FRMD3: variants seen among roughly 807,000 people sequenced by gnomAD.
FRMD3 encodes FERM domain containing 3.
A neutral mutation model predicts 70.2 loss-of-function variants in FRMD3; 33 were observed. That is an observed-to-expected ratio of 0.47 (90% CI 0.36 to 0.63). FRMD3 has a LOEUF of 0.63. FRMD3 is among the 20% of genes least tolerant of loss of function. The pLI, the probability that FRMD3 is intolerant of heterozygous loss-of-function variation, is 0.00. For missense variants in FRMD3, 632 were observed against 711.4 expected, an observed-to-expected ratio of 0.89 and a Z score of 1.27; for synonymous variants, 279 against 255.9, an observed-to-expected ratio of 1.09 and a Z score of -0.86.
At chr9:83,249,764 A>C (rs1470335682) in intron 13 of FRMD3, among the ~76,000 whole-genome samples, 1 of 152,218 alleles carries the variant, frequency 6.6e-6, no homozygotes, top group Non-Finnish European at 1.5e-5. Flanking sequence ...CTTTATGCCT[A>C]CTCAGATGGC....
At chr9:83,298,524 G>A (rs1414231962) in intron 12 of FRMD3, among the ~76,000 whole-genome samples, 3 of 152,218 alleles carry the variant, frequency 2.0e-5, no homozygotes, top group Non-Finnish European at 4.4e-5. Flanking sequence ...TTGTTAAGGT[G>A]ACGCTCCAGA....
rs187453179 is a variant in FRMD3, at chr9:83,489,748, A to G, written c.147+48337T>C. Among the ~76,000 whole-genome samples, 36 of 152,334 alleles carry G rather than the reference A, an allele frequency of 2.4e-4. No individual in the cohort carries two copies. The East Asian group carries it at 6.5e-3, about 28-fold the overall frequency. On this transcript the variant is annotated intron_variant, in intron 1 of 13. Transcript: ENST00000304195. ...TTTAAGATTATTCTTTTTGAATCAA[A>G]CCTCAAATATCTGTAGAAAAAATCA... is the stretch of plus-strand genomic sequence containing the variant.
chr9:83,519,360 AC>A (rs1173998034), intron 1 of FRMD3, among the ~76,000 whole-genome samples: 8 of 152,364 alleles, frequency 5.3e-5, no homozygotes, highest in African/African-American at 1.9e-4. Flanking sequence ...TCAAAAGAAG[AC>A]ATTTATGCGG....
At chr9:83,249,561 A>G (rs996827451) in intron 13 of FRMD3, among the ~76,000 whole-genome samples, 1 of 152,348 alleles carries the variant, frequency 6.6e-6, no homozygotes, top group East Asian at 1.9e-4. Flanking sequence ...GTGTACAGGC[A>G]TAACTTACTG....
chr9:83,337,607 A>G (rs968993399), intron 5 of FRMD3, among the ~76,000 whole-genome samples: 1 of 152,210 alleles, frequency 6.6e-6, no homozygotes, highest in Non-Finnish European at 1.5e-5. Context: ...GATAGTGGGA[A>G]AATTGTATTA....
intron 13 of FRMD3, among the ~76,000 whole-genome samples, chr9:83,273,395 T>C (rs1470473134): frequency 6.6e-6 from 1 of 150,810 alleles, no homozygotes; most frequent in Non-Finnish European, 1.5e-5. Context: ...TTAAGGGCGG[T>C]GCAAGATGTG....
At chr9:83,476,088 TA>T (rs1250669202) in intron 1 of FRMD3, among the ~76,000 whole-genome samples, 4 of 152,094 alleles carry the variant, frequency 2.6e-5, no homozygotes, top group Non-Finnish European at 5.9e-5. Flanking sequence ...AGTATATAGT[TA>T]AAAGAATATG....
At chr9:83,408,574 C>T (rs753432325) in intron 1 of FRMD3, among the ~76,000 whole-genome samples, 1 of 152,136 alleles carries the variant, frequency 6.6e-6, no homozygotes, top group Non-Finnish European at 1.5e-5. Context: ...TCCAGCTACC[C>T]CAGGGGGAAA....
chr9:83,401,761 A>G (rs1825956976), intron 1 of FRMD3, among the ~76,000 whole-genome samples: 1 of 152,228 alleles, frequency 6.6e-6, no homozygotes, highest in Admixed American at 6.5e-5. Flanking sequence ...TGGAAGTGAC[A>G]TGCATCACTT....
At chr9:83,430,296 A>G (rs1310758273) in intron 1 of FRMD3, among the ~76,000 whole-genome samples, 3 of 152,146 alleles carry the variant, frequency 2.0e-5, no homozygotes, top group Admixed American at 1.3e-4. Context: ...AGCCCCCTGT[A>G]ACCTCCAAAT....
At chr9:83,523,635 C>G (rs1001015253) in intron 1 of FRMD3, among the ~76,000 whole-genome samples, 1 of 152,166 alleles carries the variant, frequency 6.6e-6, no homozygotes, top group African/African-American at 2.4e-5. Flanking sequence ...AAACCTAAAC[C>G]ACCTTCCTCT....
chr9:83,433,489 A>G (rs987465044), intron 1 of FRMD3, among the ~76,000 whole-genome samples: 3 of 152,212 alleles, frequency 2.0e-5, no homozygotes, highest in African/African-American at 7.2e-5. Context: ...AATGGAAGAC[A>G]ATTTTTCCAC....
At chr9:83,250,692 G>T (rs958013385) in intron 13 of FRMD3, among the ~76,000 whole-genome samples, 3 of 152,222 alleles carry the variant, frequency 2.0e-5, no homozygotes, top group Non-Finnish European at 4.4e-5. Context: ...AACAGAGATA[G>T]ACCAGAAGAG....
chr9:83,377,831 A>C lies in FRMD3; in HGVS notation c.253-4876T>G, dbSNP rs190137206. On this transcript the variant is annotated intron_variant, in intron 2 of 13. Coordinates refer to ENST00000304195, the MANE Select transcript of FRMD3 (RefSeq NM_174938.6). The stretch of plus-strand genomic sequence containing the variant: ...TTCATAGCAATGCAGGAACAGCCTA[A>C]CACAGTACATTACACAAATAATTAA... Among the ~76,000 whole-genome samples, 303 of 152,286 alleles carry C rather than the reference A, an allele frequency of 2.0e-3. 3 individuals carry two copies. The highest frequency in any genetic ancestry group is 6.9e-3 in the African/African-American group (286 of 41,554).
At chr9:83,427,495 A>T (rs1455146139) in intron 1 of FRMD3, among the ~76,000 whole-genome samples, 1 of 152,094 alleles carries the variant, frequency 6.6e-6, no homozygotes, top group African/African-American at 2.4e-5. Context: ...TTAATGGTAG[A>T]CTTGTTCCTC....
chr9:83,541,820 A>T (rs912186050), upstream of FRMD3, among the ~76,000 whole-genome samples: 1 of 152,188 alleles, frequency 6.6e-6, no homozygotes, highest in East Asian at 1.9e-4. Context: ...ACTCAATTTG[A>T]TCTATAGGAC....
intron 2 of FRMD3, among the ~76,000 whole-genome samples, chr9:83,378,725 TAA>T (rs1825247581): frequency 9.4e-6 from 1 of 106,924 alleles, no homozygotes; most frequent in African/African-American, 3.9e-5. Flanking sequence ...ATATTATATA[TAA>T]TATATATACT....
At chr9:83,464,961 A>C (rs1356175438) in intron 1 of FRMD3, among the ~76,000 whole-genome samples, 2 of 146,238 alleles carry the variant, frequency 1.4e-5, no homozygotes, top group Non-Finnish European at 3.0e-5. Flanking sequence ...TTGAGGTTGC[A>C]GTGAGCCAAT....
intron 2 of FRMD3, among the ~76,000 whole-genome samples, chr9:83,375,633 C>A (rs1006058586): frequency 6.6e-6 from 1 of 152,156 alleles, no homozygotes; most frequent in African/African-American, 2.4e-5. Context: ...AATACCAATA[C>A]CACATGTTCT....
Sources: gnomAD v4.1 joint callset for allele counts (sites outside exome capture counted in the v4.1 genomes callset) on GRCh38, gnomAD v4.1.1 for gene constraint, MANE v1.5 for transcripts, NCBI Gene and HGNC (gene_info 2026-07-23, HGNC 2026-07-21) for gene names.